HMCN1: variants seen among roughly 807,000 people sequenced by gnomAD.
HMCN1 encodes the protein hemicentin-1.
Under a neutral mutation model 625.9 loss-of-function variants are expected in HMCN1, and 321 were observed. That is an observed-to-expected ratio of 0.51 (90% CI 0.47 to 0.56). The LOEUF (loss-of-function observed/expected upper bound fraction) is 0.56, where lower values mean the gene tolerates loss of function less well. HMCN1 is among the 20% of genes least tolerant of loss of function. The pLI is 0.00. For synonymous variants in HMCN1, 2,425 were observed against 2,417.6 expected (o/e 1.00, Z -0.09); for missense variants, 6,588 against 6,887.3 (o/e 0.96, Z 1.54).
At chr1:185,903,423 C>T (rs1428634134) in intron 4 of HMCN1, among the ~76,000 whole-genome samples, 1 of 151,674 alleles carries the variant, frequency 6.6e-6, no homozygotes, top group Admixed American at 6.6e-5. Context: ...TCTATATAAA[C>T]TGAGTAAAAT....
chr1:186,110,189 A>T (rs924533254), intron 71 of HMCN1, among the ~76,000 whole-genome samples: 13 of 151,932 alleles, frequency 8.6e-5, no homozygotes, highest in South Asian at 2.1e-4. Context: ...TATTTACTTT[A>T]AAAAAAAGCG....
intron 56 of HMCN1, 64 bp from the exon 57 acceptor site, chr1:186,082,801 T>C (rs750105258): frequency 8.4e-6 from 7 of 836,606 alleles, no homozygotes; most frequent in East Asian, 2.9e-5. Flanking sequence ...TTCTAAAAAA[T>C]AGACAAATAT....
chr1:186,106,529 T>C (rs1240017638), intron 69 of HMCN1, among the ~76,000 whole-genome samples: 1 of 152,222 alleles, frequency 6.6e-6, no homozygotes, highest in Non-Finnish European at 1.5e-5. Flanking sequence ...CGTTTTAACT[T>C]TTCAGTCTGC....
chr1:186,162,323 A>AT (rs200936247), intron 97 of HMCN1, among the ~76,000 whole-genome samples: 9,560 of 150,594 alleles, frequency 0.063, 749 homozygotes, highest in African/African-American at 0.19. Context: ...ATTCATCTAC[A>AT]TTTTTTTTCA....
chr1:185,886,648 G>A (rs1470729756), intron 4 of HMCN1, among the ~76,000 whole-genome samples: 1 of 151,702 alleles, frequency 6.6e-6, no homozygotes, highest in Non-Finnish European at 1.5e-5. Context: ...CATATGGAAT[G>A]TATCATAAAG....
At position 186,081,405 on chromosome 1, in the gene HMCN1, A is replaced by G; in HGVS notation, c.8787+11A>G. 1.3e-6 allele frequency: 2 copies of G among 1,591,364 alleles called. No homozygotes were observed. Among genetic ancestry groups the G allele is most frequent in the South Asian group, 2.2e-5 (2 of 90,476 alleles). On this transcript the variant is annotated intron_variant, in intron 56 of 106. Coordinates refer to ENST00000271588, the MANE Select transcript of HMCN1 (RefSeq NM_031935.3). ...GGACGAATTCTGCAGGTAAAAGTAAAGAAAGATCTAATTTTAAAAGAGCTA... is the reference window on the plus strand; with the variant it reads ...GGACGAATTCTGCAGGTAAAAGTAAGGAAAGATCTAATTTTAAAAGAGCTA...
chr1:185,978,961 G>T (rs939082756), intron 16 of HMCN1, among the ~76,000 whole-genome samples: 12 of 152,130 alleles, frequency 7.9e-5, no homozygotes, highest in Admixed American at 1.3e-4. Flanking sequence ...GATTGCTGTC[G>T]TGAACCACCA....
rs755401791 is a variant in HMCN1 at position 186,039,850 on chromosome 1, C to T, written c.6151C>T (p.Pro2051Ser). The T allele has an allele frequency of 1.6e-5, 26 of 1,613,166 alleles. No homozygotes were observed. In the South Asian group the frequency reaches 2.6e-4, roughly 16 times the overall value. ...TCTGACCTGGTTGAAAGATGGGAGT[C>T]CTGTTTCTAGTTTTTCTAATGGATT... ...PSLTWLKDGS[P>S]VSSFSNGLQV... Residue 2051 changes from proline to serine, a missense_variant, in exon 39 of 107, where the codon CCT (proline) becomes TCT (serine). By Grantham distance (74) the Pro-to-Ser change is moderately conservative. Around this residue, in one of 3 missense-constraint regions of HMCN1, gnomAD observed 4,628 missense variants for 4,853.1 expected, o/e 0.95. Coordinates refer to ENST00000271588, the MANE Select transcript of HMCN1 (RefSeq NM_031935.3).
At chr1:186,042,467 A>G (rs541739011) in intron 40 of HMCN1, among the ~76,000 whole-genome samples, 9 of 152,270 alleles carry the variant, frequency 5.9e-5, no homozygotes, top group Non-Finnish European at 1.0e-4. Context: ...TTACATTTCT[A>G]CACTGGCTAG....
chr1:186,083,294 A>T (rs920562924), intron 57 of HMCN1, among the ~76,000 whole-genome samples: 3 of 152,082 alleles, frequency 2.0e-5, no homozygotes, highest in Non-Finnish European at 4.4e-5. Context: ...ATAAAAATCT[A>T]TCCACTAGTC....
At chr1:185,913,458 A>T (rs917437808) in intron 6 of HMCN1, among the ~76,000 whole-genome samples, 3 of 152,180 alleles carry the variant, frequency 2.0e-5, no homozygotes, top group African/African-American at 7.2e-5. Context: ...GAATTAGAAG[A>T]AGTGTCGAGT....
chr1:186,095,463 C>T lies in HMCN1; in HGVS notation c.10515C>T (p.Thr3505=). The T allele has an allele frequency of 6.2e-7, 1 of 1,613,696 alleles. No individual in the cohort carries two copies. The highest frequency in any genetic ancestry group is 8.5e-7 in the Non-Finnish European group (1 of 1,179,768). The change falls in exon 68 of 107, where the codon ACC becomes ACT. Residue 3505 remains threonine, a synonymous_variant. Coordinates refer to ENST00000271588, the MANE Select transcript of HMCN1 (RefSeq NM_031935.3). Reference sequence around the variant, plus strand: ...AGACTGAAGATTCGGGAAAGTACACCTGCATTGCCTCAAATGAAGCTGGAG... The same window carrying T: ...AGACTGAAGATTCGGGAAAGTACACTTGCATTGCCTCAAATGAAGCTGGAG... ...KAETEDSGKY[T]CIASNEAGEV...
At chr1:185,955,964 A>G (rs1215052963) in intron 11 of HMCN1, among the ~76,000 whole-genome samples, 6 of 152,072 alleles carry the variant, frequency 3.9e-5, no homozygotes, top group Admixed American at 3.9e-4. Flanking sequence ...TCTACCTATA[A>G]TGTGAAGCAT....
chr1:185,983,893 T>C (rs1651829713), intron 18 of HMCN1, among the ~76,000 whole-genome samples: 1 of 152,178 alleles, frequency 6.6e-6, no homozygotes, highest in South Asian at 2.1e-4. Flanking sequence ...TACAGGAACA[T>C]TAAACAAGTG....
At chr1:186,018,073 G>A in intron 33 of HMCN1, 110 bp from the exon 34 acceptor site, 1 of 984,640 alleles carries the variant, frequency 1.0e-6, no homozygotes, top group African/African-American at 1.6e-5. Context: ...TTATTTTACA[G>A]AGTAAGCAAC....
intron 1 of HMCN1, among the ~76,000 whole-genome samples, chr1:185,779,199 T>G (rs1186758824): frequency 1.3e-5 from 2 of 152,196 alleles, no homozygotes; most frequent in African/African-American, 4.8e-5. Flanking sequence ...GGTTGTTTGT[T>G]TTTTTCTTGT....
rs1662546020 is a variant in HMCN1 at position 185,857,529 on chromosome 1, T to C, written c.340-6941T>C. 2.0e-5 allele frequency among the ~76,000 whole-genome samples: 3 copies of C among 152,096 alleles called. No individual in the cohort carries two copies. The East Asian group carries it at 5.8e-4, about 29-fold the overall frequency. ...TTTAGGAAATATATTTACATAGCCATGTTGGTTTTATCATGTTGATTATTC... is the reference window on the plus strand; with the variant it reads ...TTTAGGAAATATATTTACATAGCCACGTTGGTTTTATCATGTTGATTATTC... On this transcript the variant is annotated intron_variant, in intron 2 of 106. Transcript: ENST00000271588.
At chr1:185,991,935 T>C (rs920940146) in intron 22 of HMCN1, among the ~76,000 whole-genome samples, 5 of 152,190 alleles carry the variant, frequency 3.3e-5, no homozygotes, top group Admixed American at 1.3e-4. Flanking sequence ...TTCTAATTAG[T>C]GCATGGTATT....
intron 4 of HMCN1, among the ~76,000 whole-genome samples, chr1:185,883,533 C>A (rs1664439237): frequency 6.6e-6 from 1 of 151,860 alleles, no homozygotes. Context: ...AATTGAGTAT[C>A]ATGTTTTTGA....
Sources: gnomAD v4.1 joint callset for allele counts (sites outside exome capture counted in the v4.1 genomes callset) on GRCh38, gnomAD v4.1.1 for gene constraint, gnomAD v4.1.1 regional missense constraint, MANE v1.5 for transcripts, NCBI Gene and HGNC (gene_info 2026-07-23, HGNC 2026-07-21) for gene names.